The following TPD52 variants were observed in gnomAD, a reference collection of about 807,000 sequenced individuals.
The protein encoded by TPD52 is prostate and colon associated protein.
In TPD52, 17 loss-of-function variants were observed where a neutral mutation model predicts 31.3. That is an observed-to-expected ratio of 0.54 (90% CI 0.37 to 0.82). TPD52 has a LOEUF of 0.82. Ranked by LOEUF, TPD52 falls within the 40% of genes least tolerant of loss-of-function variation. TPD52 has a pLI of 0.00. For synonymous variants in TPD52, 83 were observed against 89.6 expected, an observed-to-expected ratio of 0.93 and a Z score of 0.42; for missense variants, 212 against 240.1, an observed-to-expected ratio of 0.88 and a Z score of 0.77.
chr8:80,044,053 C>G, intron 6 of TPD52, 114 bp downstream of exon 6: 1 of 870,950 alleles, frequency 1.1e-6, no homozygotes, highest in Non-Finnish European at 1.8e-6. Context: ...GTTAAACACA[C>G]AGCTTGTTTC....
At chr8:80,034,009 T>C (rs957933673), downstream of TPD52, among the ~76,000 whole-genome samples, 2 of 151,974 alleles carry the variant, frequency 1.3e-5, no homozygotes, top group African/African-American at 2.4e-5. Context: ...GGAACCTGCC[T>C]CCTGCCACCA....
chr8:80,072,798 C>CACATATATATATATAT lies in TPD52; in HGVS notation c.20-8206_20-8205insATATATATATATATGT, dbSNP rs977939775. On this transcript the variant is annotated intron_variant, in intron 1 of 7. Transcript: ENST00000518937. ...ATATATACACATACACACACACACACATATATATATATATATAAACTTGGC... is the reference window on the plus strand; with the variant it reads ...ATATATACACATACACACACACACACACATATATATATATATATATATATATATATATAAACTTGGC... Among the ~76,000 whole-genome samples, 946 of 140,962 alleles carry CACATATATATATATAT rather than the reference C, an allele frequency of 6.7e-3. 21 individuals are homozygous for CACATATATATATATAT. The highest frequency in any genetic ancestry group is 0.033 in the East Asian group (167 of 5,042). The allele number at this position is 140,962 out of a possible 152,430, so 92.5% of individuals were successfully genotyped here. A position where few individuals can be genotyped will look rare whatever the true frequency, so the allele number is the denominator to read the frequency against.
chr8:80,139,157 G>A (rs1391617361), intron 1 of TPD52, among the ~76,000 whole-genome samples: 1 of 152,180 alleles, frequency 6.6e-6, no homozygotes, highest in Non-Finnish European at 1.5e-5. Flanking sequence ...TTTACTGAAT[G>A]GCTGCTCTGC....
chr8:80,108,938 T>C lies in TPD52; in HGVS notation c.20-44345A>G, dbSNP rs372500147. Among the ~76,000 whole-genome samples the C allele has an allele frequency of 3.3e-5, 5 of 152,362 alleles. No homozygotes were observed. In the East Asian group the frequency reaches 7.7e-4, roughly 23 times the overall value. ...CCTCGGGAACTTGGAAAGCTACTTGTGAAGATTTTTTTTATGGCAATATAA... is the reference window on the plus strand; with the variant it reads ...CCTCGGGAACTTGGAAAGCTACTTGCGAAGATTTTTTTTATGGCAATATAA... On this transcript the variant is annotated intron_variant, in intron 1 of 7. Transcript: ENST00000518937.
At chr8:80,120,809 G>T (rs1360964160) in intron 1 of TPD52, among the ~76,000 whole-genome samples, 1 of 152,148 alleles carries the variant, frequency 6.6e-6, no homozygotes, top group Non-Finnish European at 1.5e-5. Flanking sequence ...ACTGGACGGG[G>T]TGGTTCAGGC....
intron 1 of TPD52, among the ~76,000 whole-genome samples, chr8:80,134,752 C>CA (rs1260484747): frequency 3.9e-5 from 6 of 152,180 alleles, no homozygotes; most frequent in Admixed American, 2.0e-4. Context: ...TCCGTTAGTC[C>CA]ATTCAGCCTC....
chr8:80,159,426 A>C lies in TPD52; in HGVS notation c.19+11999T>G, dbSNP rs565400963. On this transcript the variant is annotated intron_variant, in intron 1 of 7. Coordinates refer to ENST00000518937, the MANE Select transcript of TPD52 (RefSeq NM_001025253.3). The stretch of plus-strand genomic sequence containing the variant: ...CACAGCTGTACTGTGCTTTTGAACA[A>C]CACCTTTGCAAGGAAAAGGAAGATT... 2.0e-5 allele frequency among the ~76,000 whole-genome samples: 3 copies of C among 152,304 alleles called. No homozygotes were observed. In the East Asian group the frequency reaches 5.8e-4, roughly 29 times the overall value.
rs1226246722 is a variant in TPD52, at chr8:80,058,473, G to A, written c.136-5043C>T. On this transcript the variant is annotated intron_variant, in intron 2 of 7. Coordinates refer to ENST00000518937, the MANE Select transcript of TPD52 (RefSeq NM_001025253.3). ...TTTGAAAATCAGTTAAGTGGGAAAA[G>A]GTTATCTGTATTCTAATGCCCTCTA... 2.6e-5 allele frequency among the ~76,000 whole-genome samples: 4 copies of A among 152,204 alleles called. No homozygotes were observed. The East Asian group carries it at 7.7e-4, about 29-fold the overall frequency.
In TPD52 at chr8:80,065,551, C is replaced by T. The variant is rs1039617637; in HGVS notation, c.20-958G>A. Among the ~76,000 whole-genome samples the T allele has an allele frequency of 4.6e-5, 7 of 152,100 alleles. No individual in the cohort carries two copies. In the East Asian group the frequency reaches 5.8e-4, roughly 13 times the overall value. ...AGGCTAAGATGAGGCCAGAAAGGCA[C>T]CCCAACCTTGGGTGCAAAATTGAAG... On this transcript the variant is annotated intron_variant, in intron 1 of 7. Coordinates refer to ENST00000518937, the MANE Select transcript of TPD52 (RefSeq NM_001025253.3).
At chr8:80,065,653 C>T (rs1405119125) in intron 1 of TPD52, among the ~76,000 whole-genome samples, 2 of 151,920 alleles carry the variant, frequency 1.3e-5, no homozygotes, top group Non-Finnish European at 2.9e-5. Flanking sequence ...CCATGATGAA[C>T]AAAAATGCCA....
chr8:80,131,266 A>G (rs1046186528), intron 1 of TPD52, among the ~76,000 whole-genome samples: 8 of 152,268 alleles, frequency 5.3e-5, no homozygotes, highest in Admixed American at 5.2e-4. Context: ...CTGACCAGTC[A>G]GTCCAACGAT....
At chr8:80,165,401 CTTTGT>C (rs1811647683) in intron 1 of TPD52, among the ~76,000 whole-genome samples, 2 of 152,328 alleles carry the variant, frequency 1.3e-5, no homozygotes, top group Non-Finnish European at 2.9e-5. Context: ...TTTGCTGCAG[CTTTGT>C]TTTAACAGCA....
intron 1 of TPD52, among the ~76,000 whole-genome samples, chr8:80,154,757 C>T (rs1022526504): frequency 7.7e-6 from 1 of 129,934 alleles, no homozygotes; most frequent in Non-Finnish European, 1.7e-5. Context: ...ACACACAAAA[C>T]ACCTACATTA....
rs1482003120 is a variant in TPD52, at chr8:80,093,060, C to T, written c.20-28467G>A. ...ATAAAAGATTTTGTTTTTTGTTTTT[C>T]TGAGACCCTAACAGTTCACAAAGCA... On this transcript the variant is annotated intron_variant, in intron 1 of 7. Transcript: ENST00000518937. 2.0e-5 allele frequency among the ~76,000 whole-genome samples: 3 copies of T among 151,816 alleles called. No homozygotes were observed. The East Asian group carries it at 5.8e-4, about 29-fold the overall frequency.
chr8:80,164,392 T>G (rs977096268), intron 1 of TPD52, among the ~76,000 whole-genome samples: 1 of 152,210 alleles, frequency 6.6e-6, no homozygotes, highest in Non-Finnish European at 1.5e-5. Flanking sequence ...AAGCCATTAG[T>G]CAATGAATGG....
intron 1 of TPD52, among the ~76,000 whole-genome samples, chr8:80,164,055 A>AGG (rs1811551420): frequency 1.3e-5 from 2 of 150,448 alleles, no homozygotes; most frequent in Admixed American, 6.6e-5. Context: ...AGAGAGAGAG[A>AGG]CAGACAGACA....
intron 1 of TPD52, among the ~76,000 whole-genome samples, chr8:80,089,521 T>C (rs750034121): frequency 8.6e-5 from 13 of 151,912 alleles, no homozygotes; most frequent in Non-Finnish European, 1.9e-4. Context: ...GGGGCTAAGA[T>C]ATAAAATGTG....
chr8:80,142,728 C>T (rs1296256034), intron 1 of TPD52, among the ~76,000 whole-genome samples: 1 of 152,092 alleles, frequency 6.6e-6, no homozygotes, highest in Non-Finnish European at 1.5e-5. Flanking sequence ...CAGACTGGTC[C>T]TGGGCAGAAC....
intron 1 of TPD52, among the ~76,000 whole-genome samples, chr8:80,154,360 C>T (rs766730795): frequency 1.3e-5 from 2 of 152,134 alleles, no homozygotes; most frequent in East Asian, 1.9e-4. Flanking sequence ...TCTCTGGAGT[C>T]GAACCCTCCC....
Sources: gnomAD v4.1 joint callset for allele counts (sites outside exome capture counted in the v4.1 genomes callset) on GRCh38, gnomAD v4.1.1 for gene constraint, MANE v1.5 for transcripts, NCBI Gene and HGNC (gene_info 2026-07-23, HGNC 2026-07-21) for gene names.